Variants in CLTC observed in about 807,000 individuals in gnomAD.
CLTC encodes clathrin heavy chain 1.
In CLTC, 16 loss-of-function variants were observed where a neutral mutation model predicts 195.8. The ratio of observed to expected loss-of-function variants is 0.08; its 90% CI spans 0.06 to 0.12. The LOEUF is 0.12. Among genes scored for constraint, CLTC ranks in the 10% least tolerant of loss-of-function variants. The pLI is 1.00. For missense variants in CLTC, 796 were observed against 2,027.0 expected, an observed-to-expected ratio of 0.39 and a Z score of 11.66; for synonymous variants, 667 against 689.4, an observed-to-expected ratio of 0.97 and a Z score of 0.51.
At chr17:59,686,112 T>C (rs2033178159) in intron 30 of CLTC, among the ~76,000 whole-genome samples, 2 of 152,186 alleles carry the variant, frequency 1.3e-5, no homozygotes, top group South Asian at 4.1e-4. Context: ...AAATCAGTTC[T>C]TGTGACTCAA....
intron 13 of CLTC, among the ~76,000 whole-genome samples, chr17:59,668,349 CCAG>C (rs1182511349): frequency 6.6e-6 from 1 of 152,150 alleles, no homozygotes; most frequent in Non-Finnish European, 1.5e-5. Context: ...AAATTCAAGA[CCAG>C]CCTGGCTAGC....
intron 1 of CLTC, among the ~76,000 whole-genome samples, chr17:59,629,187 T>A (rs1389091608): frequency 2.0e-5 from 3 of 152,218 alleles, no homozygotes; most frequent in Non-Finnish European, 2.9e-5. Context: ...TCTGCAATAT[T>A]CTATATTTGG....
Position 59,683,659 on chromosome 17 carries a change from A to G in CLTC, c.4226A>G (p.Gln1409Arg), listed in dbSNP as rs1452349124. 1.2e-6 allele frequency: 2 copies of G among 1,614,196 alleles called. No homozygotes were observed. The highest frequency in any genetic ancestry group is 1.1e-5 in the South Asian group (1 of 91,086). The change falls in exon 27 of 32, where the codon CAG (glutamine) becomes CGG (arginine). Residue 1409 changes from glutamine to arginine, a missense_variant. Physicochemically the swap from Gln to Arg is conservative, Grantham distance 43. Coordinates refer to ENST00000269122, the MANE Select transcript of CLTC (RefSeq NM_004859.4). This position sits in a 1 kb window ranked among gnomAD's most constrained non-coding sequence, Gnocchi z 6.1. ...ANVELYYRAI[Q>R]FYLEFKPLLL... is the part of the protein sequence containing the mutation. ...GTGGAACTATACTACAGAGCAATAC[A>G]GTTCTACTTAGAATTCAAGCCTCTG... is the stretch of plus-strand genomic sequence containing the variant.
At chr17:59,675,366 C>G (rs1243281466) in intron 16 of CLTC, among the ~76,000 whole-genome samples, 3 of 152,136 alleles carry the variant, frequency 2.0e-5, no homozygotes, top group Non-Finnish European at 4.4e-5. Context: ...CTAAAACTTA[C>G]AGACTGTGAA....
chr17:59,621,708 T>G (rs1187767284), intron 1 of CLTC, among the ~76,000 whole-genome samples: 6 of 152,192 alleles, frequency 3.9e-5, no homozygotes, highest in African/African-American at 1.4e-4. Context: ...ACCTTGGCAA[T>G]AAAAACACTT....
chr17:59,675,255 CAA>C (rs767537901), intron 16 of CLTC, among the ~76,000 whole-genome samples: 2 of 152,022 alleles, frequency 1.3e-5, no homozygotes, highest in African/African-American at 2.4e-5. Flanking sequence ...AAGTGTGAGG[CAA>C]AAGAGTTCCC....
chr17:59,655,829 T>C, intron 5 of CLTC, 25 bp from the exon 6 acceptor site: 2 of 1,501,158 alleles, frequency 1.3e-6, no homozygotes, highest in Non-Finnish European at 1.8e-6. Flanking sequence ...ATTATTTTAC[T>C]AAAGTGTTGA....
chr17:59,643,305 C>T (rs2032096726), intron 1 of CLTC, among the ~76,000 whole-genome samples: 1 of 151,860 alleles, frequency 6.6e-6, no homozygotes, highest in Non-Finnish European at 1.5e-5. Context: ...AGTTAGTCAC[C>T]CAGAGTATTA....
Position 59,682,229 on chromosome 17 carries a change from G to A in CLTC, c.3443-42G>A. The A allele has an allele frequency of 1.3e-6, 2 of 1,555,772 alleles. No homozygotes were observed. Among genetic ancestry groups the A allele is most frequent in the South Asian group, 1.1e-5 (1 of 86,998 alleles). ...TTTACTTGGGTGAAAGATAAACTAG[G>A]ATGTTAGTGTTTGGATATATTTTTT... is the stretch of plus-strand genomic sequence containing the variant. On this transcript the variant is annotated intron_variant, in intron 21 of 31. Transcript: ENST00000269122. This position sits in a 1 kb window ranked among gnomAD's most constrained non-coding sequence, Gnocchi z 6.8.
At chr17:59,629,471 A>G (rs948143504) in intron 1 of CLTC, among the ~76,000 whole-genome samples, 8 of 151,882 alleles carry the variant, frequency 5.3e-5, no homozygotes, top group African/African-American at 1.9e-4. Context: ...GATGATTTAA[A>G]TATCCCGTGA....
chr17:59,636,761 T>C (rs528461582), intron 1 of CLTC, among the ~76,000 whole-genome samples: 1 of 151,946 alleles, frequency 6.6e-6, no homozygotes, highest in African/African-American at 2.4e-5. Context: ...ATAAGGACAT[T>C]TTCTTTCTTT....
chr17:59,694,821 T>C lies in CLTC; in HGVS notation c.*969T>C. 1 of 226,044 alleles carries C rather than the reference T, an allele frequency of 4.4e-6. No homozygotes were observed. Among genetic ancestry groups the C allele is most frequent in the Non-Finnish European group, 8.8e-6 (1 of 113,592 alleles). The allele number at this position is 226,044 out of a possible 1,614,324, so 14.0% of individuals were successfully genotyped here. ...CCACTCAAACGAAAAGAACAGTAGT[T>C]TTTGTAGTTTTATATTGGATACTGA... On this transcript the variant is annotated 3_prime_UTR_variant, in exon 32 of 32. Transcript: ENST00000269122.
At chr17:59,649,730 G>T (rs891036838) in intron 4 of CLTC, among the ~76,000 whole-genome samples, 2 of 152,142 alleles carry the variant, frequency 1.3e-5, no homozygotes, top group Non-Finnish European at 2.9e-5. Flanking sequence ...ATACAATTCT[G>T]CTTAAAATTT....
intron 31 of CLTC, among the ~76,000 whole-genome samples, chr17:59,692,000 A>G (rs1196601117): frequency 6.6e-6 from 1 of 152,128 alleles, no homozygotes; most frequent in African/African-American, 2.4e-5. Flanking sequence ...TGTCATTATC[A>G]AGATTAGGGA....
In CLTC at chr17:59,641,603, CAA is replaced by C. The variant is rs34208843; in HGVS notation, c.43-2650_43-2649del. On this transcript the variant is annotated intron_variant, in intron 1 of 31. Transcript: ENST00000269122. ...CTGGCGACAGAGCAAGACTCCATCT[CAA>C]AAAAAAAAAAAAAAAAAAAAAAGAG... is the stretch of plus-strand genomic sequence containing the variant. Among the ~76,000 whole-genome samples the C allele has an allele frequency of 1.2e-4, 6 of 48,850 alleles. No homozygotes were observed. The East Asian group carries it at 3.8e-3, about 31-fold the overall frequency. 32.0% of individuals were successfully genotyped at this position (48,850 alleles called of 152,430 possible). A position where few individuals can be genotyped will look rare whatever the true frequency, so the allele number is the denominator to read the frequency against.
chr17:59,693,956 CTTTAT>C lies in CLTC; in HGVS notation c.*107_*111del. 1 of 1,232,726 alleles carries C rather than the reference CTTTAT, an allele frequency of 8.1e-7. No individual in the cohort carries two copies. Among genetic ancestry groups the C allele is most frequent in the Non-Finnish European group, 1.1e-6 (1 of 931,794 alleles). The allele number at this position is 1,232,726 out of a possible 1,614,324, so 76.4% of individuals were successfully genotyped here. On this transcript the variant is annotated 3_prime_UTR_variant, in exon 32 of 32. Coordinates refer to ENST00000269122, the MANE Select transcript of CLTC (RefSeq NM_004859.4). ...AAAACAGGCAACGTGTTCTTGTAACCTTTATTTCATGAAGGACTTCTTTTTGTTTC... is the reference window on the plus strand; with the variant it reads ...AAAACAGGCAACGTGTTCTTGTAACCTTCATGAAGGACTTCTTTTTGTTTC...
rs143467974 is a variant in CLTC, at chr17:59,663,000, G to A, written c.1369-842G>A. Among the ~76,000 whole-genome samples, 1,326 of 152,248 alleles carry A rather than the reference G, an allele frequency of 8.7e-3. 13 individuals are homozygous for A. The highest frequency in any genetic ancestry group is 0.013 in the Non-Finnish European group (863 of 68,014). On this transcript the variant is annotated intron_variant, in intron 8 of 31. Coordinates refer to ENST00000269122, the MANE Select transcript of CLTC (RefSeq NM_004859.4). Reference sequence around the variant, plus strand: ...TACGTAACAGGGTGAAAGCTTTTTAGGTATCATTATCCTTTTCTGTGAACA... The same window carrying A: ...TACGTAACAGGGTGAAAGCTTTTTAAGTATCATTATCCTTTTCTGTGAACA...
At chr17:59,653,778 CTT>C (rs562385929) in intron 5 of CLTC, among the ~76,000 whole-genome samples, 6 of 142,804 alleles carry the variant, frequency 4.2e-5, no homozygotes, top group Admixed American at 7.0e-5. Context: ...CCTGGCTGGT[CTT>C]TTTTTTTTTT....
In CLTC at chr17:59,648,511, T is replaced by G; in HGVS notation, c.681+110T>G. The G allele has an allele frequency of 9.4e-7, 1 of 1,068,116 alleles. No individual in the cohort carries two copies. The highest frequency in any genetic ancestry group is 1.4e-6 in the Non-Finnish European group (1 of 730,644). 66.2% of individuals were successfully genotyped at this position (1,068,116 alleles called of 1,614,324 possible). On this transcript the variant is annotated intron_variant, in intron 4 of 31. Coordinates refer to ENST00000269122, the MANE Select transcript of CLTC (RefSeq NM_004859.4). This position sits in a 1 kb window ranked among gnomAD's most constrained non-coding sequence, Gnocchi z 4.5. ...CTTCTCCCTTCCTAAGTAATTTTAG[T>G]ATTCACATTTGTGGTGACTTAATTT...
Sources: allele counts gnomAD v4.1 joint callset (sites outside exome capture counted in the v4.1 genomes callset), GRCh38; gene constraint gnomAD v4.1.1; non-coding constraint Gnocchi (gnomAD v3.1); transcripts MANE v1.5; gene names NCBI Gene and HGNC (gene_info 2026-07-23, HGNC 2026-07-21).